The following ENPEP variants were observed in gnomAD, a reference collection of about 807,000 sequenced individuals.
ENPEP encodes AP-A.
In ENPEP, 103 loss-of-function variants were observed where a neutral mutation model predicts 114.5. That is an observed-to-expected ratio of 0.90 (90% CI 0.77 to 1.06). The LOEUF (loss-of-function observed/expected upper bound fraction) is 1.06, where lower values mean the gene tolerates loss of function less well. Ranked by LOEUF, ENPEP falls within the 50% of genes least tolerant of loss-of-function variation. ENPEP has a pLI of 0.00. For missense variants in ENPEP, 1,196 were observed against 1,161.3 expected (o/e 1.03, Z -0.43); for synonymous variants, 420 against 422.0 (o/e 1.00, Z 0.06).
intron 10 of ENPEP, among the ~76,000 whole-genome samples, chr4:110,522,404 A>G (rs988090751): frequency 6.6e-6 from 1 of 152,018 alleles, no homozygotes; most frequent in African/African-American, 2.4e-5. Flanking sequence ...GATGGTCTTG[A>G]TCTTCTGATC....
At chr4:110,516,159 G>T (rs992428350) in intron 8 of ENPEP, among the ~76,000 whole-genome samples, 1 of 152,142 alleles carries the variant, frequency 6.6e-6, no homozygotes, top group African/African-American at 2.4e-5. Flanking sequence ...GATTAGAAAA[G>T]ATCAATATTA....
chr4:110,519,652 T>C (rs6811162), intron 8 of ENPEP: 68,239 of 187,118 alleles, frequency 0.36, 13,474 homozygotes, highest in East Asian at 0.51. Flanking sequence ...TCATCATCAT[T>C]ATTATTCAAA....
chr4:110,510,295 T>C lies in ENPEP; in HGVS notation c.1245T>C (p.Asn415=), dbSNP rs775276059. The C allele has an allele frequency of 5.6e-6, 9 of 1,614,118 alleles. No individual in the cohort carries two copies. Among genetic ancestry groups the C allele is most frequent in the African/African-American group, 2.7e-5 (2 of 74,948 alleles). Residue 415 remains asparagine, a synonymous_variant, in exon 6 of 20, where the codon AAT becomes AAC. Coordinates refer to ENST00000265162, the MANE Select transcript of ENPEP (RefSeq NM_001977.4). ...ACTGGTGGGAAGACTTGTGGCTAAATGAAGGATTTGCTTCTTTCTTTGAGT... is the reference window on the plus strand; with the variant it reads ...ACTGGTGGGAAGACTTGTGGCTAAACGAAGGATTTGCTTCTTTCTTTGAGT... The part of the protein sequence containing the change: ...TMDWWEDLWL[N]EGFASFFEFL...
At position 110,491,121 on chromosome 4, in the gene ENPEP, A is replaced by T. The variant is rs1268187612; in HGVS notation, c.875A>T (p.His292Leu). 3.1e-6 allele frequency: 5 copies of T among 1,611,936 alleles called. No homozygotes were observed. Among genetic ancestry groups the T allele is most frequent in the Admixed American group, 1.7e-5 (1 of 59,920 alleles). ...MSTYLVCFAV[H>L]QFDSVKRISN... ...ACGTACCTGGTGTGCTTTGCTGTACATCAATTTGACTCTGTAAAGAGAATA... is the reference window on the plus strand; with the variant it reads ...ACGTACCTGGTGTGCTTTGCTGTACTTCAATTTGACTCTGTAAAGAGAATA... The change falls in exon 3 of 20, where the codon CAT (histidine) becomes CTT (leucine). Residue 292 changes from histidine to leucine, a missense_variant. By Grantham distance (99) the His-to-Leu change is moderately conservative. Coordinates refer to ENST00000265162, the MANE Select transcript of ENPEP (RefSeq NM_001977.4).
intron 3 of ENPEP, among the ~76,000 whole-genome samples, chr4:110,502,454 G>C (rs1483389990): frequency 6.6e-6 from 1 of 152,106 alleles, no homozygotes; most frequent in East Asian, 1.9e-4. Flanking sequence ...TTTGTATATG[G>C]TGTAAGGAAG....
rs1578425326 is a variant in ENPEP, at chr4:110,564,032, A to G, written c.*2474A>G. On this transcript the variant is annotated 3_prime_UTR_variant, in exon 20 of 20. Transcript: ENST00000265162. ...TTGGGGGATGAGAAGGAAGTAGAAA[A>G]GAGGGGATTCAAATTACCAGTGGTG... 1 of 152,152 alleles carries G rather than the reference A, an allele frequency of 6.6e-6. No homozygotes were observed. 9.4% of individuals were successfully genotyped at this position (152,152 alleles called of 1,614,324 possible).
intron 11 of ENPEP, chr4:110,533,148 C>T (rs1726469460): frequency 9.1e-6 from 4 of 441,736 alleles, no homozygotes; most frequent in Admixed American, 4.9e-5. Flanking sequence ...AGTTTGAAAG[C>T]GTGAATAATT....
chr4:110,533,170 G>A (rs1258645692), intron 11 of ENPEP: 8 of 396,714 alleles, frequency 2.0e-5, no homozygotes, highest in Non-Finnish European at 4.1e-5. Flanking sequence ...ATCTACCCTA[G>A]TACAATTCAC....
chr4:110,484,771 T>TAC (rs1724442391), intron 1 of ENPEP, among the ~76,000 whole-genome samples: 4 of 33,770 alleles, frequency 1.2e-4, no homozygotes, highest in Admixed American at 7.5e-4. Context: ...TATATTATAT[T>TAC]ATATATATAT....
At chr4:110,497,050 A>G (rs866700880) in intron 3 of ENPEP, among the ~76,000 whole-genome samples, 25 of 152,350 alleles carry the variant, frequency 1.6e-4, no homozygotes, top group Middle Eastern at 6.8e-3. Flanking sequence ...ACAGTGATTA[A>G]TAAATATTTA....
Position 110,544,536 on chromosome 4 carries a change from C to T in ENPEP, c.2000+1466C>T, listed in dbSNP as rs146924158. Among the ~76,000 whole-genome samples, 338 of 152,114 alleles carry T rather than the reference C, an allele frequency of 2.2e-3. 1 individual carries two copies. Among genetic ancestry groups the T allele is most frequent in the African/African-American group, 7.8e-3 (325 of 41,534 alleles). On this transcript the variant is annotated intron_variant, in intron 13 of 19. Transcript: ENST00000265162. ...CACTCATTTAATAAATAAACATTGG[C>T]GACTTACTATGTGCCAGGCACTGTG...
intron 7 of ENPEP, among the ~76,000 whole-genome samples, chr4:110,514,120 A>G (rs1031231995): frequency 2.0e-5 from 3 of 152,140 alleles, no homozygotes; most frequent in Non-Finnish European, 2.9e-5. Flanking sequence ...CTGTCCCACA[A>G]TATTTCATAT....
intron 1 of ENPEP, among the ~76,000 whole-genome samples, chr4:110,479,644 T>A (rs922202158): frequency 3.3e-5 from 5 of 152,202 alleles, no homozygotes; most frequent in Non-Finnish European, 7.4e-5. Context: ...AATGATTTTT[T>A]AAAAGTGTTT....
chr4:110,547,469 T>C (rs1727110662), intron 13 of ENPEP, among the ~76,000 whole-genome samples: 1 of 152,050 alleles, frequency 6.6e-6, no homozygotes, highest in South Asian at 2.1e-4. Context: ...TACTAGTGGT[T>C]TCTTGAGAGA....
At chr4:110,511,397 C>T (rs553227658) in intron 6 of ENPEP, among the ~76,000 whole-genome samples, 1 of 151,994 alleles carries the variant, frequency 6.6e-6, no homozygotes, top group African/African-American at 2.4e-5. Flanking sequence ...AACCTGCCAG[C>T]CCCTGTTGTG....
intron 4 of ENPEP, among the ~76,000 whole-genome samples, chr4:110,507,426 A>T (rs901389790): frequency 1.3e-5 from 2 of 152,192 alleles, no homozygotes; most frequent in Non-Finnish European, 1.5e-5. Flanking sequence ...ACCCATATAG[A>T]TGTTTGTAGG....
At position 110,549,756 on chromosome 4, in the gene ENPEP, A is replaced by T; in HGVS notation, c.2371A>T (p.Met791Leu). ...CAGGCTTCTGGTGTATCGGTATGGG[A>T]TGCAGAACTCTGGCAATGAGATTTC... ...NLRLLVYRYG[M>L]QNSGNEISWN... The change falls in exon 17 of 20, where the codon ATG becomes TTG. Residue 791 changes from methionine to leucine, a missense_variant. Coordinates refer to ENST00000265162, the MANE Select transcript of ENPEP (RefSeq NM_001977.4). 3.1e-6 allele frequency: 5 copies of T among 1,613,410 alleles called. No homozygotes were observed. The highest frequency in any genetic ancestry group is 4.2e-6 in the Non-Finnish European group (5 of 1,179,584).
chr4:110,523,339 C>G (rs978910344), intron 10 of ENPEP, among the ~76,000 whole-genome samples: 8 of 152,176 alleles, frequency 5.3e-5, no homozygotes, highest in East Asian at 1.9e-4. Flanking sequence ...TCCCTCTCCC[C>G]CTTCTGCCAT....
Position 110,548,286 on chromosome 4 carries a change from G to A in ENPEP, c.2111G>A (p.Ser704Asn), listed in dbSNP as rs867013732. ...RVISAVTYIISMFEDDKELYP... is the reference protein window; with the variant it reads ...RVISAVTYIINMFEDDKELYP... ...ATTTCAGCTGTAACCTACATCATTA[G>A]CATGTTTGAAGATGATAAAGAGCTA... is the stretch of plus-strand genomic sequence containing the variant. The change falls in exon 14 of 20, where the codon AGC becomes AAC. Residue 704 changes from serine (S) to asparagine (N), a missense_variant. By Grantham distance (46) the Ser-to-Asn change is conservative (BLOSUM62 1). Coordinates refer to ENST00000265162, the MANE Select transcript of ENPEP (RefSeq NM_001977.4). The A allele has an allele frequency of 6.2e-7, 1 of 1,604,402 alleles. No individual in the cohort carries two copies. The highest frequency in any genetic ancestry group is 1.1e-5 in the South Asian group (1 of 89,292).
Sources: gnomAD v4.1 joint callset for allele counts (sites outside exome capture counted in the v4.1 genomes callset) on GRCh38, gnomAD v4.1.1 for gene constraint, MANE v1.5 for transcripts, NCBI Gene and HGNC (gene_info 2026-07-23, HGNC 2026-07-21) for gene names.